The following EPHA5 variants were observed in gnomAD, a reference collection of about 807,000 sequenced individuals.
The protein encoded by EPHA5 is ephrin type-A receptor 5.
Under a neutral mutation model 105.0 loss-of-function variants are expected in EPHA5, and 60 were observed. The ratio of observed to expected loss-of-function variants is 0.57; its 90% CI spans 0.46 to 0.71. The LOEUF is 0.71. Ranked by LOEUF, EPHA5 falls within the 30% of genes least tolerant of loss-of-function variation. The pLI is 0.00. For synonymous variants in EPHA5, 513 were observed against 449.1 expected, an observed-to-expected ratio of 1.14 and a Z score of -1.80; for missense variants, 1,218 against 1,274.7, an observed-to-expected ratio of 0.96 and a Z score of 0.68.
intron 5 of EPHA5, among the ~76,000 whole-genome samples, chr4:65,448,102 A>G (rs1309921067): frequency 8.3e-6 from 1 of 120,106 alleles, no homozygotes; most frequent in African/African-American, 2.5e-5. Flanking sequence ...TCATAAAGAC[A>G]ATAAAAAATT....
chr4:65,398,116 T>C (rs1192722327), intron 8 of EPHA5, among the ~76,000 whole-genome samples: 1 of 152,200 alleles, frequency 6.6e-6, no homozygotes, highest in Non-Finnish European at 1.5e-5. Flanking sequence ...CCAAGCATTC[T>C]TGTGCTCTCA....
chr4:65,439,982 C>G (rs1037455769), intron 5 of EPHA5, among the ~76,000 whole-genome samples: 14 of 152,060 alleles, frequency 9.2e-5, no homozygotes, highest in African/African-American at 3.1e-4. Context: ...CAATAGTTTG[C>G]ACTAAATGCT....
intron 14 of EPHA5, among the ~76,000 whole-genome samples, chr4:65,342,626 G>T (rs758499240): frequency 8.0e-5 from 12 of 150,314 alleles, no homozygotes; most frequent in Non-Finnish European, 1.3e-4. Context: ...ATGTATATGA[G>T]CAATATACAT....
chr4:65,414,544 G>A, intron 6 of EPHA5, 101 bp from the exon 7 acceptor site: 1 of 1,247,564 alleles, frequency 8.0e-7, no homozygotes, highest in Admixed American at 2.1e-5. Flanking sequence ...AGAAACCAAA[G>A]GACTCTATTA....
rs757998461 is a variant in EPHA5, at chr4:65,330,656, T to C, written c.2945+1317A>G. The stretch of plus-strand genomic sequence containing the variant: ...TTTAATATAAAATGACAAATGACTT[T>C]AATAAATTAAAATGACCATTTTTAC... On this transcript the variant is annotated intron_variant, in intron 16 of 16. Transcript: ENST00000613740. 3.0e-6 allele frequency: 2 copies of C among 665,386 alleles called. 1 individual carries two copies. The highest frequency in any genetic ancestry group is 3.8e-6 in the Non-Finnish European group (2 of 529,422). The allele number at this position is 665,386 out of a possible 1,614,324, so 41.2% of individuals were successfully genotyped here.
At chr4:65,363,596 G>A (rs78028482) in intron 11 of EPHA5, among the ~76,000 whole-genome samples, 2,028 of 151,558 alleles carry the variant, frequency 0.013, 40 homozygotes, top group African/African-American at 0.046. Flanking sequence ...TCAGAAAGTT[G>A]AATTTGGTAG....
At chr4:65,631,652 G>A (rs1746639427) in intron 2 of EPHA5, among the ~76,000 whole-genome samples, 1 of 150,194 alleles carries the variant, frequency 6.7e-6, no homozygotes, top group African/African-American at 2.4e-5. Flanking sequence ...CTTTCTTGAG[G>A]AAGTAATACT....
intron 8 of EPHA5, among the ~76,000 whole-genome samples, chr4:65,375,780 CACACAT>C (rs770875315): frequency 1.5e-3 from 168 of 111,524 alleles, no homozygotes; most frequent in Middle Eastern, 8.4e-3. Flanking sequence ...CAGAAACACA[CACACAT>C]ACACACACAC....
At chr4:65,630,868 T>A (rs1286881708) in intron 2 of EPHA5, among the ~76,000 whole-genome samples, 3 of 152,150 alleles carry the variant, frequency 2.0e-5, no homozygotes, top group African/African-American at 7.2e-5. Flanking sequence ...TAAATCAGCT[T>A]TATTTGTATG....
chr4:65,478,365 T>C (rs556656040), intron 5 of EPHA5, among the ~76,000 whole-genome samples: 26 of 152,218 alleles, frequency 1.7e-4, no homozygotes, highest in Non-Finnish European at 2.6e-4. Context: ...AAATGATAAG[T>C]TAACAAAATT....
At chr4:65,588,890 A>G (rs1051971767) in intron 3 of EPHA5, among the ~76,000 whole-genome samples, 1 of 152,136 alleles carries the variant, frequency 6.6e-6, no homozygotes, top group Non-Finnish European at 1.5e-5. Context: ...AACAAATGGT[A>G]GCACACAAAC....
intron 8 of EPHA5, among the ~76,000 whole-genome samples, chr4:65,372,240 G>A (rs1439026344): frequency 2.0e-5 from 3 of 151,750 alleles, no homozygotes; most frequent in South Asian, 4.1e-4. Flanking sequence ...TTTTCACTTC[G>A]GGATTTTCTC....
At chr4:65,660,618 G>A (rs1197568133) in intron 1 of EPHA5, among the ~76,000 whole-genome samples, 1 of 152,066 alleles carries the variant, frequency 6.6e-6, no homozygotes, top group Non-Finnish European at 1.5e-5. Context: ...CCTTTTGGAT[G>A]TACCTTTACA....
intron 8 of EPHA5, among the ~76,000 whole-genome samples, chr4:65,398,910 T>TTG (rs1721525116): frequency 6.6e-6 from 1 of 152,176 alleles, no homozygotes; most frequent in African/African-American, 2.4e-5. Context: ...CATTCTACAG[T>TTG]TGTCCATGTA....
chr4:65,420,474 G>A lies in EPHA5; in HGVS notation c.1494C>T (p.Ile498=), dbSNP rs377073108. The A allele has an allele frequency of 9.9e-6, 16 of 1,611,040 alleles. No individual in the cohort carries two copies. The highest frequency in any genetic ancestry group is 3.3e-4 in the Middle Eastern group (2 of 6,062). The change falls in exon 6 of 17, where the codon ATC becomes ATT. Residue 498 remains isoleucine (I), a synonymous_variant. Coordinates refer to ENST00000613740, the MANE Select transcript of EPHA5 (RefSeq NM_001281766.3). The part of the protein sequence containing the change: ...SWQEPDRPNG[I]ILEYEIKYFE... ...AATACTTGATTTCATACTCTAGGAT[G>A]ATTCCATTGGGACGATCTGGTTCTT...
chr4:65,484,138 T>C (rs1256842372), intron 5 of EPHA5, among the ~76,000 whole-genome samples: 2 of 152,104 alleles, frequency 1.3e-5, no homozygotes, highest in African/African-American at 4.8e-5. Context: ...AAGGTGACCT[T>C]TTTTTTCTTT....
At chr4:65,425,802 T>C (rs989684447) in intron 5 of EPHA5, among the ~76,000 whole-genome samples, 15 of 152,048 alleles carry the variant, frequency 9.9e-5, no homozygotes, top group African/African-American at 3.1e-4. Context: ...GTGAGGATTA[T>C]TTCTGCTTAT....
intron 4 of EPHA5, among the ~76,000 whole-genome samples, chr4:65,492,866 A>T (rs958806997): frequency 6.6e-6 from 1 of 152,176 alleles, no homozygotes; most frequent in Non-Finnish European, 1.5e-5. Context: ...GTTTACTATA[A>T]ACTTTAGCTT....
intron 8 of EPHA5, among the ~76,000 whole-genome samples, chr4:65,381,761 A>G (rs1400331609): frequency 6.6e-6 from 1 of 151,772 alleles, no homozygotes; most frequent in Non-Finnish European, 1.5e-5. Context: ...TGATAAGATC[A>G]TAAGTGCCCA....
Sources: gnomAD v4.1 joint callset for allele counts (sites outside exome capture counted in the v4.1 genomes callset) on GRCh38, gnomAD v4.1.1 for gene constraint, MANE v1.5 for transcripts, NCBI Gene and HGNC (gene_info 2026-07-23, HGNC 2026-07-21) for gene names.